The following NME9 variants were observed in gnomAD, a reference collection of about 807,000 sequenced individuals.
NME9 encodes NME/NM23 family member 9.
In NME9, 48 loss-of-function variants were observed where a neutral mutation model predicts 44.4. The ratio of observed to expected loss-of-function variants is 1.08; its 90% confidence interval spans 0.86 to 1.37. The LOEUF (loss-of-function observed/expected upper bound fraction) is 1.37. Ranked by LOEUF, NME9 falls within the 40% of genes most tolerant of loss-of-function variation. The pLI, the probability that NME9 is intolerant of heterozygous loss-of-function variation, is 0.00. For missense variants in NME9, 325 were observed against 405.2 expected (o/e 0.80, Z 1.70); for synonymous variants, 139 against 147.1 (o/e 0.94, Z 0.40).
chr3:138,269,487 G>C lies in NME9; in HGVS notation c.746-6901C>G, dbSNP rs191350025. On this transcript the variant is annotated intron_variant, in intron 8 of 8. Coordinates refer to the NME9 transcript ENST00000317876. ...ACAGGACTGTTTTGCTTGTATAATT[G>C]ATAAGTAGTCCTGAAAATATCCTAA... Among the ~76,000 whole-genome samples, 100 of 152,282 alleles carry C rather than the reference G, an allele frequency of 6.6e-4. 1 individual carries two copies. The highest frequency in any genetic ancestry group is 6.1e-3 in the Admixed American group (93 of 15,288).
At chr3:138,295,902 C>T (rs528615643) in intron 8 of NME9, 3 of 1,613,096 alleles carry the variant, frequency 1.9e-6, no homozygotes, top group South Asian at 1.1e-5. Context: ...ATGGGAGTGC[C>T]CCTGGGCACC....
At chr3:138,318,081 A>G (rs112852925) in intron 4 of NME9, 67 bp downstream of exon 4, 2 of 971,890 alleles carry the variant, frequency 2.1e-6, no homozygotes, top group African/African-American at 1.6e-5. Flanking sequence ...TGTCAGTGAG[A>G]TGCTTCTATT....
At chr3:138,267,699 G>T (rs903740721) in intron 8 of NME9, among the ~76,000 whole-genome samples, 1 of 151,840 alleles carries the variant, frequency 6.6e-6, no homozygotes, top group Non-Finnish European at 1.5e-5. Context: ...GTTGGATGGG[G>T]GTTCCCTTCT....
Position 138,277,206 on chromosome 3 carries a change from G to A in NME9, c.746-14620C>T, listed in dbSNP as rs148997992. Among the ~76,000 whole-genome samples the A allele has an allele frequency of 3.9e-3, 594 of 152,216 alleles. 4 individuals carry two copies. The highest frequency in any genetic ancestry group is 0.014 in the African/African-American group (566 of 41,520). On this transcript the variant is annotated intron_variant, in intron 8 of 8. Coordinates refer to the NME9 transcript ENST00000317876. ...AATGGTCTTTTCAAGAAAAGATGCTGTACAAGTGCCAAAAAAAATTAACTT... is the reference window on the plus strand; with the variant it reads ...AATGGTCTTTTCAAGAAAAGATGCTATACAAGTGCCAAAAAAAATTAACTT...
chr3:138,324,956 G>GT, intron 1 of NME9, 26 bp from the exon 2 acceptor site: 1 of 1,592,234 alleles, frequency 6.3e-7, no homozygotes, highest in South Asian at 1.1e-5. Context: ...ATCAAATGCC[G>GT]TATTACTGAG....
chr3:138,289,031 T>C, intron 8 of NME9: 1 of 1,603,496 alleles, frequency 6.2e-7, no homozygotes, highest in Non-Finnish European at 8.5e-7. Context: ...TTTTTTTTTC[T>C]TTTTCTGTAT....
At chr3:138,323,711 G>C (rs2053603450) in intron 2 of NME9, among the ~76,000 whole-genome samples, 1 of 152,234 alleles carries the variant, frequency 6.6e-6, no homozygotes, top group South Asian at 2.1e-4. Context: ...TCATTTGGTG[G>C]AGGGGGTGGT....
At position 138,301,118 on chromosome 3, in the gene NME9, A is replaced by C; in HGVS notation, c.*522T>G. 1.0e-6 allele frequency: 1 copy of C among 973,754 alleles called. No individual in the cohort carries two copies. Among genetic ancestry groups the C allele is most frequent in the Non-Finnish European group, 1.2e-6 (1 of 819,314 alleles). 60.3% of individuals were successfully genotyped at this position (973,754 alleles called of 1,614,324 possible). ...ATAACTGATGTTCAATTATTTTGTA[A>C]AATCCCAAAGACAGAGAAAAAAAAC... On this transcript the variant is annotated 3_prime_UTR_variant, in exon 11 of 11. Coordinates refer to ENST00000333911, the MANE Select transcript of NME9 (RefSeq NM_001349018.2).
rs1239771779 is a variant in NME9, at chr3:138,301,501, A to C, written c.*139T>G. ...ATTACAGGTGTGAGTCACTGCGCCC[A>C]GCCATATTATTTTCATTGTCTACAA... On this transcript the variant is annotated 3_prime_UTR_variant, in exon 11 of 11. Coordinates refer to ENST00000333911, the MANE Select transcript of NME9 (RefSeq NM_001349018.2). 7.0e-7 allele frequency: 1 copy of C among 1,438,490 alleles called. No individual in the cohort carries two copies. The highest frequency in any genetic ancestry group is 9.1e-7 in the Non-Finnish European group (1 of 1,096,256). The allele number at this position is 1,438,490 out of a possible 1,614,324, so 89.1% of individuals were successfully genotyped here.
intron 8 of NME9, among the ~76,000 whole-genome samples, chr3:138,279,722 A>AT (rs1477799864): frequency 9.2e-5 from 14 of 152,224 alleles, no homozygotes; most frequent in Non-Finnish European, 1.6e-4. Flanking sequence ...TTTAATAGAA[A>AT]TAGGACTACT....
chr3:138,263,720 C>A, intron 8 of NME9: 1 of 1,596,952 alleles, frequency 6.3e-7, no homozygotes, highest in Non-Finnish European at 8.6e-7. Context: ...ATTTATGCAG[C>A]ATTAACCTTT....
chr3:138,324,496 G>A (rs1223027017), intron 2 of NME9: 1 of 464,568 alleles, frequency 2.2e-6, no homozygotes, highest in Non-Finnish European at 4.3e-6. Context: ...CCTAATGACT[G>A]CAGTCCCAGG....
intron 1 of NME9, among the ~76,000 whole-genome samples, chr3:138,325,398 C>CT (rs58680542): frequency 0.038 from 5,385 of 140,204 alleles, 148 homozygotes; most frequent in Admixed American, 0.082. Context: ...GTAAAAATTT[C>CT]TTTTTTTTTT....
chr3:138,285,237 T>G (rs1369760201), intron 8 of NME9, among the ~76,000 whole-genome samples: 3 of 152,188 alleles, frequency 2.0e-5, no homozygotes, highest in Non-Finnish European at 4.4e-5. Context: ...CCTCATTCTT[T>G]AGACCTCACC....
chr3:138,287,576 A>G (rs2050552206), intron 8 of NME9: 4 of 454,936 alleles, frequency 8.8e-6, no homozygotes, highest in Non-Finnish European at 1.8e-5. Flanking sequence ...TTCAACAAAT[A>G]TTGATTGATT....
chr3:138,305,631 A>C (rs1465772184), intron 8 of NME9, among the ~76,000 whole-genome samples: 1 of 152,146 alleles, frequency 6.6e-6, no homozygotes, highest in Non-Finnish European at 1.5e-5. Context: ...AAGCAAATGG[A>C]AGGTAGTTAG....
chr3:138,291,103 TATAATC>T (rs1171753079), intron 8 of NME9, among the ~76,000 whole-genome samples: 1 of 152,252 alleles, frequency 6.6e-6, no homozygotes, highest in East Asian at 1.9e-4. Context: ...AGTCAAGAGT[TATAATC>T]AGATACTCAG....
Position 138,303,556 on chromosome 3 carries a change from C to T in NME9, c.879G>A (p.Leu293=), listed in dbSNP as rs956321734. 1.2e-6 allele frequency: 2 copies of T among 1,613,400 alleles called. No individual in the cohort carries two copies. The highest frequency in any genetic ancestry group is 1.7e-6 in the Non-Finnish European group (2 of 1,179,402). Residue 293 remains leucine, a synonymous_variant, in exon 10 of 11, where the codon TTG becomes TTA. Transcript: ENST00000333911. The stretch of plus-strand genomic sequence containing the variant: ...CTGAAAATTTCAAACTGGGGAAGAG[C>T]AATGCCAGTTCTCTGTCAGCATCTT... ...DREDADRELA[L]LFPSLKFSDK...
chr3:138,264,240 G>A, intron 8 of NME9: 1 of 1,585,950 alleles, frequency 6.3e-7, no homozygotes. Context: ...GCCAGTAACA[G>A]CTGTACTCAC....
Sources: allele counts gnomAD v4.1 joint callset (sites outside exome capture counted in the v4.1 genomes callset), GRCh38; gene constraint gnomAD v4.1.1; transcripts MANE v1.5; gene names NCBI Gene and HGNC (gene_info 2026-07-23, HGNC 2026-07-21).